Variants in KIF27 observed in about 807,000 individuals in gnomAD.
The protein encoded by KIF27 is kinesin family member 27.
In KIF27, 84 loss-of-function variants were observed where a neutral mutation model predicts 141.8. The observed-to-expected ratio is 0.59, with a 90% confidence interval of 0.50 to 0.71. The LOEUF (loss-of-function observed/expected upper bound fraction) is 0.71. Ranked by LOEUF, KIF27 falls within the 30% of genes least tolerant of loss-of-function variation. KIF27 has a pLI of 0.00. For synonymous variants in KIF27, 471 were observed against 569.5 expected (o/e 0.83, Z 2.46); for missense variants, 1,306 against 1,628.4 (o/e 0.80, Z 3.41).
chr9:83,848,508 CTATA>C (rs1034381568), intron 16 of KIF27: 14 of 140,368 alleles, frequency 1.0e-4, no homozygotes, highest in African/African-American at 2.9e-4. Flanking sequence ...CTATATATAG[CTATA>C]TATGCATATA....
chr9:83,889,219 C>A lies in KIF27; in HGVS notation c.1844G>T (p.Arg615Leu). The change falls in exon 7 of 18, where the codon CGA becomes CTA. Residue 615 changes from arginine to leucine, a missense_variant. Physicochemically the swap from Arg to Leu is moderately radical, Grantham distance 102 (BLOSUM62 -2). Transcript: ENST00000297814. ...HTSPPMYSLD[R>L]IFAGFRTRSQ... ...TCGTGTTCGAAATCCAGCAAATATT[C>A]GATCCAGAGAGTACATAGGCGGACT... is the stretch of plus-strand genomic sequence containing the variant. The A allele has an allele frequency of 6.2e-7, 1 of 1,613,516 alleles. No homozygotes were observed. Among genetic ancestry groups the A allele is most frequent in the Non-Finnish European group, 8.5e-7 (1 of 1,179,682 alleles).
intron 1 of KIF27, among the ~76,000 whole-genome samples, chr9:83,917,335 T>C (rs1588346171): frequency 2.0e-5 from 3 of 152,076 alleles, no homozygotes; most frequent in South Asian, 4.1e-4. Flanking sequence ...AAGATGTAAA[T>C]GAAAAAACAT....
intron 13 of KIF27, among the ~76,000 whole-genome samples, chr9:83,866,801 A>G (rs1269791783): frequency 6.6e-6 from 1 of 152,078 alleles, no homozygotes; most frequent in Non-Finnish European, 1.5e-5. Context: ...GCTTGAACCC[A>G]GGAGGCAGAG....
At position 83,837,452 on chromosome 9, in the gene KIF27, T is replaced by C. The variant is rs1350413295; in HGVS notation, c.3755A>G (p.Glu1252Gly). 3.1e-6 allele frequency: 5 copies of C among 1,613,356 alleles called. No homozygotes were observed. Among genetic ancestry groups the C allele is most frequent in the East Asian group, 2.2e-5 (1 of 44,884 alleles). The change falls in exon 18 of 18, where the codon GAA becomes GGA. Residue 1252 changes from glutamate to glycine, a missense_variant. Glu to Gly is a moderately conservative substitution (Grantham distance 98). This residue lies in a region of KIF27 where 148 missense variants were observed against 250.9 expected (regional missense o/e 0.59). Transcript: ENST00000297814. ...QEAGDGVLKP[E>G]GGGMLSEELK... ...TTCTTCTGAAAGCATGCCTCCTCCT[T>C]CTGGCTTCAGGACTCCATCTCCAGC...
intron 12 of KIF27, chr9:83,868,225 G>A (rs770499066): frequency 5.0e-5 from 8 of 159,780 alleles, no homozygotes; most frequent in African/African-American, 1.4e-4. Flanking sequence ...GCTGCCCTAC[G>A]TATCTATCTC....
chr9:83,851,030 G>A (rs1197998418), intron 15 of KIF27, among the ~76,000 whole-genome samples: 1 of 150,890 alleles, frequency 6.6e-6, no homozygotes, highest in Non-Finnish European at 1.5e-5. Context: ...TACAGATGGG[G>A]TTTCACCGTG....
Position 83,916,237 on chromosome 9 carries a change from T to C in KIF27, c.-87-559A>G, listed in dbSNP as rs1588338115. Among the ~76,000 whole-genome samples, 6 of 152,246 alleles carry C rather than the reference T, an allele frequency of 3.9e-5. No individual in the cohort carries two copies. In the South Asian group the frequency reaches 1.2e-3, roughly 32 times the overall value. On this transcript the variant is annotated intron_variant, in intron 1 of 17. Transcript: ENST00000297814. ...TAGTAGAGACAGGGTTTCACCATAT[T>C]GGCCAGGCTGGTCTCAAGCTCCGAA...
intron 2 of KIF27, among the ~76,000 whole-genome samples, chr9:83,914,252 T>A (rs1220515390): frequency 6.6e-6 from 1 of 151,050 alleles, no homozygotes; most frequent in Admixed American, 6.6e-5. Context: ...AAAGCCACAA[T>A]TTATACTAGA....
intron 16 of KIF27, chr9:83,848,027 C>A (rs1281942514): frequency 1.9e-5 from 2 of 105,120 alleles, no homozygotes; most frequent in Non-Finnish European, 4.2e-5. Flanking sequence ...TATGCTATAT[C>A]TATATCTATA....
intron 3 of KIF27, 25 bp downstream of exon 3, chr9:83,908,427 C>T: frequency 2.1e-6 from 3 of 1,439,938 alleles, no homozygotes; most frequent in Non-Finnish European, 2.9e-6. Context: ...CTAATGAAGG[C>T]AACTGATTAA....
At chr9:83,848,054 T>TATG (rs1947565527) in intron 16 of KIF27, 3 of 24,356 alleles carry the variant, frequency 1.2e-4, no homozygotes, top group East Asian at 5.5e-3. Context: ...TACATATATC[T>TATG]ATATATCATA....
At chr9:83,897,652 C>A (rs368970515) in intron 5 of KIF27, among the ~76,000 whole-genome samples, 4 of 151,958 alleles carry the variant, frequency 2.6e-5, no homozygotes, top group African/African-American at 9.7e-5. Flanking sequence ...ATCAAAGATA[C>A]CACTGAGAGT....
intron 10 of KIF27, among the ~76,000 whole-genome samples, 175 bp downstream of exon 10, chr9:83,883,638 T>C (rs1019507711): frequency 6.6e-6 from 1 of 152,166 alleles, no homozygotes; most frequent in Admixed American, 6.6e-5. Flanking sequence ...AATTAAGAAA[T>C]ATACTACCCA....
At chr9:83,861,682 G>C (rs1474261841) in intron 13 of KIF27, among the ~76,000 whole-genome samples, 2 of 151,468 alleles carry the variant, frequency 1.3e-5, no homozygotes, top group Non-Finnish European at 2.9e-5. Context: ...ATAATCCTTT[G>C]GGTATATACC....
rs181584240 is a variant in KIF27, at chr9:83,911,306, C to T, written c.299-2654G>A. 1.4e-4 allele frequency among the ~76,000 whole-genome samples: 22 copies of T among 152,322 alleles called. No individual in the cohort carries two copies. The East Asian group carries it at 3.1e-3, about 21-fold the overall frequency. On this transcript the variant is annotated intron_variant, in intron 2 of 17. Coordinates refer to ENST00000297814, the MANE Select transcript of KIF27 (RefSeq NM_017576.4). ...AGTGCAGTGGTGCCATCTTGGCTCACTGCAACCTCCACCTCCTGGGTTCAA... is the reference window on the plus strand; with the variant it reads ...AGTGCAGTGGTGCCATCTTGGCTCATTGCAACCTCCACCTCCTGGGTTCAA...
At chr9:83,897,659 G>C (rs1403492484) in intron 5 of KIF27, among the ~76,000 whole-genome samples, 2 of 152,060 alleles carry the variant, frequency 1.3e-5, no homozygotes, top group Non-Finnish European at 2.9e-5. Flanking sequence ...ATACCACTGA[G>C]AGTAAAAAGC....
intron 1 of KIF27, among the ~76,000 whole-genome samples, 172 bp from the exon 2 acceptor site, chr9:83,915,850 T>C (rs1187210251): frequency 2.0e-5 from 3 of 152,108 alleles, no homozygotes; most frequent in Admixed American, 6.6e-5. Flanking sequence ...CAAACTAGTA[T>C]GTCTTGGGTT....
chr9:83,840,947 C>T (rs952734566), intron 17 of KIF27, among the ~76,000 whole-genome samples: 1 of 152,204 alleles, frequency 6.6e-6, no homozygotes, highest in Non-Finnish European at 1.5e-5. Flanking sequence ...CACTTGCCTT[C>T]TCTAAGCGTC....
intron 6 of KIF27, among the ~76,000 whole-genome samples, chr9:83,890,929 T>C (rs1952615715): frequency 6.6e-6 from 1 of 152,234 alleles, no homozygotes; most frequent in South Asian, 2.1e-4. Context: ...ATTTCAAAAA[T>C]GACAGACCAA....
Sources: gnomAD v4.1 joint callset for allele counts (sites outside exome capture counted in the v4.1 genomes callset) on GRCh38, gnomAD v4.1.1 for gene constraint, gnomAD v4.1.1 regional missense constraint, MANE v1.5 for transcripts, NCBI Gene and HGNC (gene_info 2026-07-23, HGNC 2026-07-21) for gene names.